The following FAM149A variants were observed in gnomAD, a reference collection of about 807,000 sequenced individuals.
The protein encoded by FAM149A is family with sequence similarity 149 member A, also known as protein FAM149A.
FAM149A carries 71 observed loss-of-function variants against 78.2 expected under a neutral mutation model. The ratio of observed to expected loss-of-function variants is 0.91; its 90% CI spans 0.75 to 1.11. The LOEUF (loss-of-function observed/expected upper bound fraction) is 1.11, where lower values mean the gene tolerates loss of function less well. FAM149A is among the 50% of genes least tolerant of loss of function. The pLI is 0.00. For synonymous variants in FAM149A, 446 were observed against 410.5 expected, an observed-to-expected ratio of 1.09 and a Z score of -1.04; for missense variants, 1,036 against 971.0, an observed-to-expected ratio of 1.07 and a Z score of -0.89.
rs1416827785 is a variant in FAM149A, at chr4:186,164,709, CCT to C, written c.1890-634_1890-633del. ...CTCCTGCCCCAGCCTACCTGGGCCCCCTGTCACACCTTCATCAAATAGAAACC... is the reference window on the plus strand; with the variant it reads ...CTCCTGCCCCAGCCTACCTGGGCCCCGTCACACCTTCATCAAATAGAAACC... On this transcript the variant is annotated intron_variant, in intron 10 of 13. Transcript: ENST00000389354. This position sits in a 1 kb window ranked among gnomAD's most constrained non-coding sequence, Gnocchi z 4.0. 1.3e-5 allele frequency among the ~76,000 whole-genome samples: 2 copies of C among 152,170 alleles called. No homozygotes were observed. Among genetic ancestry groups the C allele is most frequent in the Non-Finnish European group, 2.9e-5 (2 of 68,044 alleles).
chr4:186,130,049 C>T (rs923197769), intron 1 of FAM149A: 2 of 151,814 alleles, frequency 1.3e-5, no homozygotes, highest in Non-Finnish European at 2.9e-5. Context: ...CTTGCAGCAG[C>T]TAATGTCTGC....
At position 186,105,416 on chromosome 4, in the gene FAM149A, T is replaced by G; in HGVS notation, c.340T>G (p.Ser114Ala). 8.4e-7 allele frequency: 1 copy of G among 1,190,786 alleles called. No homozygotes were observed. The highest frequency in any genetic ancestry group is 1.1e-6 in the Non-Finnish European group (1 of 947,402). The allele number at this position is 1,190,786 out of a possible 1,614,324, so 73.8% of individuals were successfully genotyped here. ...AGCCCCGCCCCAGCCCCCCACTCCC[T>G]CCGGCGGGGGCTGCTCCCCTGCTCG... The change falls in exon 1 of 14, where the codon TCC (serine) becomes GCC (alanine). Residue 114 changes from serine (S) to alanine (A), a missense_variant. Physicochemically the swap from Ser to Ala is moderately conservative, Grantham distance 99 (BLOSUM62 1). This residue lies in a region of FAM149A where 316 missense variants were observed against 241.9 expected (regional missense o/e 1.31). Coordinates refer to ENST00000389354, the MANE Select transcript of FAM149A (RefSeq NM_001367768.3).
chr4:186,165,280 A>G lies in FAM149A; in HGVS notation c.1890-64A>G, dbSNP rs1579930340. ...ACATTGAAATCACAGCTCTTGGCAG[A>G]TTTCCTGTCACTTGCCAGTTATCCA... On this transcript the variant is annotated intron_variant, in intron 10 of 13. Transcript: ENST00000389354. The G allele has an allele frequency of 1.5e-5, 24 of 1,598,164 alleles. No homozygotes were observed. The East Asian group carries it at 5.4e-4, about 36-fold the overall frequency.
Position 186,167,022 on chromosome 4 carries a change from G to A in FAM149A, c.2065G>A (p.Glu689Lys). Residue 689 changes from glutamate (E) to lysine (K), a missense_variant, in exon 12 of 14, where the codon GAA (glutamate) becomes AAA (lysine). Physicochemically the swap from Glu to Lys is moderately conservative, Grantham distance 56. Transcript: ENST00000389354. ...GTTGAGTGCCATGCCTGACGGTACA[G>A]AACGATCGCGTCTTCGAGAAAGAAC... 1 of 1,614,156 alleles carries A rather than the reference G, an allele frequency of 6.2e-7. No individual in the cohort carries two copies. The highest frequency in any genetic ancestry group is 8.5e-7 in the Non-Finnish European group (1 of 1,179,998).
At chr4:186,108,555 C>CAT (rs1249587374) in intron 1 of FAM149A, among the ~76,000 whole-genome samples, 22 of 148,700 alleles carry the variant, frequency 1.5e-4, no homozygotes, top group South Asian at 8.7e-4. Context: ...CCAAGAATTC[C>CAT]GTAAGTGAAA....
At chr4:186,158,804 C>A (rs1324413753) in intron 8 of FAM149A, 32 of 1,014,006 alleles carry the variant, frequency 3.2e-5, no homozygotes, top group Non-Finnish European at 3.7e-5. Flanking sequence ...GCTCCCAATG[C>A]TCAGGCCCCT....
At chr4:186,132,853 G>T in intron 1 of FAM149A, 1 of 422,348 alleles carries the variant, frequency 2.4e-6, no homozygotes, top group Non-Finnish European at 3.2e-6. Context: ...GTTTCCTTTT[G>T]GCATCCTGAA....
At chr4:186,170,569 A>G (rs975470746) in intron 13 of FAM149A, among the ~76,000 whole-genome samples, 1 of 152,152 alleles carries the variant, frequency 6.6e-6, no homozygotes, top group Non-Finnish European at 1.5e-5. Context: ...CTGGAGAGGA[A>G]TGGCCAAGCC....
At chr4:186,126,051 T>G in intron 1 of FAM149A, 2 of 985,418 alleles carry the variant, frequency 2.0e-6, no homozygotes, top group Non-Finnish European at 2.4e-6. Flanking sequence ...TTGGGTGGTG[T>G]TTCCCAGACT....
At chr4:186,136,172 G>C (rs974527131) in intron 1 of FAM149A, among the ~76,000 whole-genome samples, 8 of 152,160 alleles carry the variant, frequency 5.3e-5, no homozygotes, top group Non-Finnish European at 1.2e-4. Context: ...AGGAAAATTT[G>C]GCCTTATTGA....
intron 1 of FAM149A, chr4:186,123,056 A>G (rs2099316768): frequency 4.7e-6 from 1 of 213,100 alleles, no homozygotes; most frequent in South Asian, 1.7e-4. Context: ...TTACAAGGGA[A>G]TAAGAAATGG....
rs767941067 is a variant in FAM149A at position 186,151,961 on chromosome 4, T to C, written c.848T>C (p.Met283Thr). 4.6e-5 allele frequency: 75 copies of C among 1,613,902 alleles called. No individual in the cohort carries two copies. Among genetic ancestry groups the C allele is most frequent in the Non-Finnish European group, 5.8e-5 (68 of 1,179,996 alleles). Residue 283 changes from methionine to threonine, a missense_variant, in exon 4 of 14, where the codon ATG becomes ACG. Physicochemically the swap from Met to Thr is moderately conservative, Grantham distance 81. Around this residue, in one of 3 missense-constraint regions of FAM149A, gnomAD observed 716 missense variants for 711.8 expected, o/e 1.01. Transcript: ENST00000389354. ...CGGTTACTCTGGGAGGTGGAGGAAA[T>C]GTTATTTGAAGGGAAAGTGAACCCT...
chr4:186,137,240 T>C (rs149125721), intron 1 of FAM149A, among the ~76,000 whole-genome samples: 1 of 138,516 alleles, frequency 7.2e-6, no homozygotes. Flanking sequence ...TTACTGGATG[T>C]TGCTGACCCT....
At chr4:186,139,556 T>A (rs1019902463) in intron 1 of FAM149A, among the ~76,000 whole-genome samples, 3 of 152,186 alleles carry the variant, frequency 2.0e-5, no homozygotes, top group African/African-American at 4.8e-5. Context: ...AGACACTGAA[T>A]CTGCTACCAC....
At chr4:186,150,505 C>G (rs1293803130) in intron 3 of FAM149A, among the ~76,000 whole-genome samples, 8 of 137,726 alleles carry the variant, frequency 5.8e-5, no homozygotes, top group Admixed American at 4.4e-4. Flanking sequence ...CTGCAAGCTC[C>G]GCCTCCCGGG....
intron 1 of FAM149A, chr4:186,109,202 T>TTA: frequency 1.0e-6 from 1 of 984,996 alleles, no homozygotes; most frequent in Non-Finnish European, 1.2e-6. Flanking sequence ...ATACGTAAGG[T>TTA]GGATAGATAG....
intron 6 of FAM149A, among the ~76,000 whole-genome samples, chr4:186,155,652 G>GA (rs1733986075): frequency 6.6e-6 from 1 of 151,608 alleles, no homozygotes; most frequent in African/African-American, 2.4e-5. Flanking sequence ...CCTACATTGA[G>GA]AAAAAAGACA....
intron 8 of FAM149A, among the ~76,000 whole-genome samples, chr4:186,161,949 G>A (rs1260149597): frequency 6.6e-6 from 1 of 152,182 alleles, no homozygotes; most frequent in Non-Finnish European, 1.5e-5. Flanking sequence ...TGTGCAGAAT[G>A]TGCAGGTTTG....
Position 186,104,832 on chromosome 4 carries a change from C to T in FAM149A, c.-245C>T, listed in dbSNP as rs1029965239. On this transcript the variant is annotated 5_prime_UTR_variant, in exon 1 of 14. The change creates a new upstream start codon in the 5' untranslated region. Coordinates refer to ENST00000389354, the MANE Select transcript of FAM149A (RefSeq NM_001367768.3). ...GGCCCTTCGGCCCTCGGGGGTCTCA[C>T]GGCGCTGGGACGAGGCGGGGCTGCT... is the stretch of plus-strand genomic sequence containing the variant. 2.0e-5 allele frequency: 10 copies of T among 508,124 alleles called. No homozygotes were observed. The Admixed American group carries it at 3.8e-4, about 20-fold the overall frequency. 31.5% of individuals were successfully genotyped at this position (508,124 alleles called of 1,614,324 possible).
Sources: allele counts gnomAD v4.1 joint callset (sites outside exome capture counted in the v4.1 genomes callset), GRCh38; gene constraint gnomAD v4.1.1; regional missense constraint gnomAD v4.1.1; non-coding constraint Gnocchi (gnomAD v3.1); transcripts MANE v1.5; gene names NCBI Gene and HGNC (gene_info 2026-07-23, HGNC 2026-07-21).